IGFL2: variants seen among roughly 807,000 people sequenced by gnomAD.
IGFL2 encodes IGF like family member 2.
IGFL2 carries 7 observed loss-of-function variants against 13.9 expected under a neutral mutation model. The observed-to-expected ratio is 0.51, with a 90% confidence interval of 0.29 to 0.95. The LOEUF (loss-of-function observed/expected upper bound fraction) is 0.95. Ranked by LOEUF, IGFL2 falls within the 40% of genes least tolerant of loss-of-function variation. The probability of loss-of-function intolerance (pLI) is 0.08; values close to 1 mark genes in which losing one functional copy is unlikely to be tolerated. For missense variants in IGFL2, 138 were observed against 147.8 expected, an observed-to-expected ratio of 0.93 and a Z score of 0.34; for synonymous variants, 55 against 55.8, an observed-to-expected ratio of 0.99 and a Z score of 0.07.
upstream of IGFL2, among the ~76,000 whole-genome samples, chr19:46,145,600 ATGTG>A (rs1024196099): frequency 3.7e-3 from 348 of 94,568 alleles, 8 homozygotes; most frequent in East Asian, 0.055. Flanking sequence ...ACTCATATAT[ATGTG>A]TGTGTGTGTG....
At chr19:46,171,520 T>C in the IGFL2 span, among the ~76,000 whole-genome samples, 6 of 152,176 alleles carry the variant, frequency 3.9e-5, no homozygotes, top group African/African-American at 1.2e-4. Flanking sequence ...CAGAGTATTG[T>C]GTCTTATTTT....
chr19:46,186,403 CG>C, the IGFL2 span, among the ~76,000 whole-genome samples: 8 of 152,164 alleles, frequency 5.3e-5, no homozygotes, highest in Non-Finnish European at 1.2e-4. Context: ...TCCACAGAAG[CG>C]TTCCAGGACC....
In IGFL2 at chr19:46,161,201, G is replaced by A. The variant is rs184710418; in HGVS notation, c.*113G>A. 2 of 743,074 alleles carry A rather than the reference G, an allele frequency of 2.7e-6. No individual in the cohort carries two copies. Among genetic ancestry groups the A allele is most frequent in the East Asian group, 5.4e-5 (2 of 37,128 alleles). The allele number at this position is 743,074 out of a possible 1,614,324, so 46.0% of individuals were successfully genotyped here. ...AATTTACAAAATGATGCAGCTCCAA[G>A]CCATTGTATGGCCCATGTGGGAGAC... is the stretch of plus-strand genomic sequence containing the variant. On this transcript the variant is annotated 3_prime_UTR_variant, in exon 4 of 4. Transcript: ENST00000377693.
chr19:46,109,032 A>G, the IGFL2 span, among the ~76,000 whole-genome samples: 2 of 152,204 alleles, frequency 1.3e-5, no homozygotes, highest in Non-Finnish European at 2.9e-5. Context: ...GGGTGAGGAC[A>G]GGGGACTGGT....
the IGFL2 span, among the ~76,000 whole-genome samples, chr19:46,087,304 C>T: frequency 6.6e-6 from 1 of 152,178 alleles, no homozygotes; most frequent in Non-Finnish European, 1.5e-5. Flanking sequence ...CAGGTGGCAC[C>T]TGCAGGTGGG....
chr19:46,180,665 A>G, the IGFL2 span: 2 of 152,422 alleles, frequency 1.3e-5, no homozygotes, highest in East Asian at 3.9e-4. Context: ...GGAAGCCAGC[A>G]GTGGCTCAGT....
At chr19:46,108,366 A>G in the IGFL2 span, among the ~76,000 whole-genome samples, 1 of 152,228 alleles carries the variant, frequency 6.6e-6, no homozygotes, top group Non-Finnish European at 1.5e-5. Flanking sequence ...TAGGTCTTGT[A>G]GAATGGAGAA....
At chr19:46,137,372 G>A in the IGFL2 span, 12 of 1,104,626 alleles carry the variant, frequency 1.1e-5, no homozygotes, top group African/African-American at 3.1e-5. Context: ...GACCTGTAGT[G>A]TAGACAGATA....
upstream of IGFL2, chr19:46,148,236 C>G: frequency 6.5e-7 from 1 of 1,543,952 alleles, no homozygotes; most frequent in African/African-American, 1.4e-5. Flanking sequence ...AAGTCACTGA[C>G]CCATTTGCAC....
At chr19:46,211,434 G>A in the IGFL2 span, among the ~76,000 whole-genome samples, 2 of 152,100 alleles carry the variant, frequency 1.3e-5, no homozygotes, top group African/African-American at 2.4e-5. Flanking sequence ...CCTCATTCCT[G>A]CCTGTTTCCT....
chr19:46,102,563 G>A, the IGFL2 span, among the ~76,000 whole-genome samples: 2 of 152,106 alleles, frequency 1.3e-5, no homozygotes, highest in African/African-American at 4.8e-5. Flanking sequence ...CGGGGAGGGT[G>A]TATTGTCACA....
chr19:46,103,892 GCTGT>G, the IGFL2 span, among the ~76,000 whole-genome samples: 1 of 152,176 alleles, frequency 6.6e-6, no homozygotes, highest in Non-Finnish European at 1.5e-5. Context: ...GAGAGATCAG[GCTGT>G]CTGTCTGACA....
the IGFL2 span, among the ~76,000 whole-genome samples, chr19:46,190,834 C>CA: frequency 5.9e-5 from 9 of 152,272 alleles, no homozygotes; most frequent in African/African-American, 1.9e-4. Context: ...TTTTTACCAT[C>CA]AAAAAGAAAA....
the IGFL2 span, among the ~76,000 whole-genome samples, chr19:46,094,879 A>G: frequency 2.6e-5 from 4 of 152,186 alleles, no homozygotes; most frequent in African/African-American, 9.7e-5. Flanking sequence ...TTATGGCTAC[A>G]TAGTATTCCA....
At chr19:46,080,074 G>A in the IGFL2 span, among the ~76,000 whole-genome samples, 1 of 152,332 alleles carries the variant, frequency 6.6e-6, no homozygotes, top group African/African-American at 2.4e-5. Context: ...AGAGCTGGAA[G>A]AGACAGTGAA....
the IGFL2 span, among the ~76,000 whole-genome samples, chr19:46,117,139 T>C: frequency 3.9e-4 from 60 of 152,200 alleles, no homozygotes; most frequent in Admixed American, 3.8e-3. Context: ...TTTAAAATAA[T>C]TTTAAGCTTT....
the IGFL2 span, chr19:46,120,372 C>T: frequency 5.6e-6 from 9 of 1,610,474 alleles, no homozygotes; most frequent in Non-Finnish European, 7.6e-6. Flanking sequence ...CACAGTGCCC[C>T]AAATCAAAGT....
the IGFL2 span, among the ~76,000 whole-genome samples, chr19:46,132,564 G>A: frequency 6.6e-6 from 1 of 152,106 alleles, no homozygotes; most frequent in Admixed American, 6.6e-5. Flanking sequence ...CAAAGAGAAA[G>A]TGAAGTGGTG....
At chr19:46,161,427 T>A (rs202222798), downstream of IGFL2, 2 of 201,624 alleles carry the variant, frequency 9.9e-6, no homozygotes, top group African/African-American at 2.4e-5. Context: ...GGCTGGAGAG[T>A]TTTTAAGTAC....
Sources: gnomAD v4.1 joint callset for allele counts (sites outside exome capture counted in the v4.1 genomes callset) on GRCh38, gnomAD v4.1.1 for gene constraint, MANE v1.5 for transcripts, NCBI Gene and HGNC (gene_info 2026-07-23, HGNC 2026-07-21) for gene names.